Variants in OVCH1 observed in about 807,000 individuals in gnomAD.
OVCH1 encodes ovochymase-1.
In OVCH1, 139 loss-of-function variants were observed where a neutral mutation model predicts 138.4. The observed-to-expected ratio is 1.00, with a 90% CI of 0.87 to 1.16. The LOEUF (loss-of-function observed/expected upper bound fraction) is 1.16, where lower values mean the gene tolerates loss of function less well. Ranked by LOEUF, OVCH1 falls within the 50% of genes most tolerant of loss-of-function variation. The pLI, the probability that OVCH1 is intolerant of heterozygous loss-of-function variation, is 0.00. For synonymous variants in OVCH1, 453 were observed against 467.8 expected, an observed-to-expected ratio of 0.97 and a Z score of 0.41; for missense variants, 1,367 against 1,357.9, an observed-to-expected ratio of 1.01 and a Z score of -0.11.
intron 3 of OVCH1, among the ~76,000 whole-genome samples, chr12:29,419,593 C>T (rs1367183911): frequency 6.6e-6 from 1 of 151,884 alleles, no homozygotes; most frequent in Non-Finnish European, 1.5e-5. Context: ...TGCGCCTGGC[C>T]AACGAAATAT....
intron 27 of OVCH1, among the ~76,000 whole-genome samples, chr12:29,428,963 GGTAA>G (rs764102420): frequency 1.3e-5 from 2 of 152,194 alleles, no homozygotes; most frequent in Non-Finnish European, 2.9e-5. Flanking sequence ...ATTCAAGCTT[GGTAA>G]GTGAGTGTAG....
chr12:29,447,027 TAAG>T (rs1385713385), intron 22 of OVCH1, among the ~76,000 whole-genome samples: 1 of 152,012 alleles, frequency 6.6e-6, no homozygotes, highest in Non-Finnish European at 1.5e-5. Context: ...AGGAAAGCAT[TAAG>T]AATAAACTTA....
intron 16 of OVCH1, among the ~76,000 whole-genome samples, chr12:29,466,497 CAG>C (rs936671871): frequency 2.0e-5 from 3 of 151,002 alleles, no homozygotes; most frequent in African/African-American, 7.4e-5. Flanking sequence ...TTTGTTAAAT[CAG>C]AGTTATGAAA....
At chr12:29,484,613 G>T (rs893338250) in intron 8 of OVCH1, among the ~76,000 whole-genome samples, 100 bp downstream of exon 9, 3 of 152,028 alleles carry the variant, frequency 2.0e-5, no homozygotes, top group Non-Finnish European at 4.4e-5. Context: ...AACGTAGGGA[G>T]ACCTTGTCTC....
intron 12 of OVCH1, 133 bp downstream of exon 12, chr12:29,476,969 G>GT (rs751751056): frequency 3.7e-6 from 4 of 1,094,596 alleles, no homozygotes; most frequent in Non-Finnish European, 1.2e-6. Flanking sequence ...TCTTTTCAGA[G>GT]TAAAAAAAAA....
intron 4 of OVCH1, among the ~76,000 whole-genome samples, chr12:29,492,217 A>T (rs543550828): frequency 2.6e-5 from 4 of 152,262 alleles, no homozygotes; most frequent in African/African-American, 9.6e-5. Flanking sequence ...TCATGTAGTT[A>T]TCTGGGTGGA....
At chr12:29,434,972 A>G (rs77551688) in intron 26 of OVCH1, among the ~76,000 whole-genome samples, 20,268 of 152,264 alleles carry the variant, frequency 0.13, 1,693 homozygotes, top group Middle Eastern at 0.2. Context: ...TTTAAAAACT[A>G]TATGTTGTAA....
At chr12:29,427,708 C>T in intron 27 of OVCH1, 4 of 1,526,502 alleles carry the variant, frequency 2.6e-6, no homozygotes, top group Non-Finnish European at 3.5e-6. Context: ...GTTATAGCAG[C>T]TTGAATGGGG....
chr12:29,436,660 TG>T (rs1264385054), intron 26 of OVCH1, among the ~76,000 whole-genome samples: 1 of 152,108 alleles, frequency 6.6e-6, no homozygotes, highest in Non-Finnish European at 1.5e-5. Flanking sequence ...TTCCTTCCGG[TG>T]GGTTCATGGT....
At chr12:29,445,245 G>A (rs760769285) in intron 23 of OVCH1, 33 bp downstream of exon 23, 35 of 1,564,592 alleles carry the variant, frequency 2.2e-5, no homozygotes, top group Admixed American at 3.6e-5. Context: ...GATTTCTTTA[G>A]CCTTTACAAG....
At chr12:29,477,915 T>G (rs1942797793) in intron 9 of OVCH1, among the ~76,000 whole-genome samples, 1 of 152,252 alleles carries the variant, frequency 6.6e-6, no homozygotes, top group Non-Finnish European at 1.5e-5. Flanking sequence ...ATACAGTTAA[T>G]TTTTAACAAA....
exon 20 of OVCH1, chr12:29,455,347 C>T (rs1345014288): frequency 6.2e-7 from 1 of 1,613,840 alleles, no homozygotes; most frequent in South Asian, 1.1e-5. Flanking sequence ...GCTGACAATG[C>T]CATAGAGGAC....
intron 25 of OVCH1, among the ~76,000 whole-genome samples, chr12:29,442,271 A>C (rs1592043031): frequency 6.6e-6 from 1 of 151,704 alleles, no homozygotes; most frequent in African/African-American, 2.4e-5. Flanking sequence ...GCACATATAC[A>C]CCATGGAATA....
chr12:29,459,672 T>G (rs1942065985), intron 19 of OVCH1, among the ~76,000 whole-genome samples: 1 of 148,526 alleles, frequency 6.7e-6, no homozygotes, highest in African/African-American at 2.5e-5. Flanking sequence ...ATGCTTGAAG[T>G]GATGTGTATA....
chr12:29,406,758 A>G, the OVCH1 span, among the ~76,000 whole-genome samples: 88 of 143,732 alleles, frequency 6.1e-4, no homozygotes, highest in African/African-American at 2.2e-3. Context: ...TAGTGCCGCA[A>G]TAAACATACG....
At chr12:29,419,572 G>A (rs1014320184) in intron 3 of OVCH1, among the ~76,000 whole-genome samples, 3 of 151,978 alleles carry the variant, frequency 2.0e-5, no homozygotes. Flanking sequence ...GGGATTACAG[G>A]CATGAGCCAC....
At chr12:29,428,753 A>AT (rs1315686627) in intron 27 of OVCH1, among the ~76,000 whole-genome samples, 2 of 152,132 alleles carry the variant, frequency 1.3e-5, no homozygotes, top group Non-Finnish European at 2.9e-5. Context: ...AAGCATCAAA[A>AT]TCCTCCTCTT....
the OVCH1 span, among the ~76,000 whole-genome samples, chr12:29,403,120 A>G: frequency 1.3e-5 from 2 of 152,250 alleles, no homozygotes; most frequent in Admixed American, 1.3e-4. Context: ...GAAGAGCAAA[A>G]TTTTCATAAT....
chr12:29,468,788 T>C (rs577187786), intron 16 of OVCH1, among the ~76,000 whole-genome samples: 13 of 152,294 alleles, frequency 8.5e-5, no homozygotes, highest in Admixed American at 5.2e-4. Context: ...GATATATTTA[T>C]ATACATGGGT....
Sources: allele counts gnomAD v4.1 joint callset (sites outside exome capture counted in the v4.1 genomes callset), GRCh38; gene constraint gnomAD v4.1.1; transcripts MANE v1.5; gene names NCBI Gene and HGNC (gene_info 2026-07-23, HGNC 2026-07-21).